LRRC4C: variants seen among roughly 807,000 people sequenced by gnomAD.
LRRC4C encodes leucine rich repeat containing 4C.
LRRC4C carries 5 observed loss-of-function variants against 33.6 expected under a neutral mutation model. That is an observed-to-expected ratio of 0.15 (90% CI 0.08 to 0.31). The LOEUF (loss-of-function observed/expected upper bound fraction) is 0.31, where lower values mean the gene tolerates loss of function less well. LRRC4C is among the 10% of genes least tolerant of loss of function. The pLI, the probability that LRRC4C is intolerant of heterozygous loss-of-function variation, is 1.00. For synonymous variants in LRRC4C, 329 were observed against 302.0 expected (o/e 1.09, Z -0.93); for missense variants, 560 against 796.7 (o/e 0.70, Z 3.58).
At chr11:40,415,048 A>G (rs1039723208) in intron 3 of LRRC4C, among the ~76,000 whole-genome samples, 5 of 152,214 alleles carry the variant, frequency 3.3e-5, no homozygotes, top group African/African-American at 1.2e-4. Flanking sequence ...CTGCCCAGCC[A>G]TGTATTCCAT....
At chr11:41,012,863 C>T (rs1855307817) in intron 1 of LRRC4C, among the ~76,000 whole-genome samples, 1 of 152,064 alleles carries the variant, frequency 6.6e-6, no homozygotes, top group Admixed American at 6.6e-5. Flanking sequence ...TTCTCATATA[C>T]CTATTGGCCA....
At chr11:40,295,207 T>A (rs1201511925) in intron 4 of LRRC4C, among the ~76,000 whole-genome samples, 1 of 152,222 alleles carries the variant, frequency 6.6e-6, no homozygotes, top group African/African-American at 2.4e-5. Flanking sequence ...TTCTCCAATG[T>A]ATAATTTTCA....
At chr11:40,366,443 A>G (rs1201082538) in intron 3 of LRRC4C, among the ~76,000 whole-genome samples, 1 of 152,054 alleles carries the variant, frequency 6.6e-6, no homozygotes, top group African/African-American at 2.4e-5. Context: ...TGTGGGTTGA[A>G]TATTGTACTG....
chr11:40,836,868 A>T lies in LRRC4C; in HGVS notation c.-407+96767T>A, dbSNP rs79970622. Among the ~76,000 whole-genome samples, 753 of 152,194 alleles carry T rather than the reference A, an allele frequency of 4.9e-3. 9 individuals are homozygous for T. Among genetic ancestry groups the T allele is most frequent in the African/African-American group, 0.017 (724 of 41,526 alleles). Reference sequence around the variant, plus strand: ...CATTATTGTTATTATTACCTCATCCACCATTATCATCTTTATTATCATGTC... The same window carrying T: ...CATTATTGTTATTATTACCTCATCCTCCATTATCATCTTTATTATCATGTC... On this transcript the variant is annotated intron_variant, in intron 2 of 6. Transcript: ENST00000528697.
At chr11:40,271,048 C>T (rs1682670850) in intron 4 of LRRC4C, among the ~76,000 whole-genome samples, 1 of 152,100 alleles carries the variant, frequency 6.6e-6, no homozygotes, top group Non-Finnish European at 1.5e-5. Context: ...TTTGAGCAGC[C>T]TTTTAAACAT....
At chr11:40,564,246 G>T (rs535563544) in intron 3 of LRRC4C, among the ~76,000 whole-genome samples, 1 of 152,116 alleles carries the variant, frequency 6.6e-6, no homozygotes, top group Non-Finnish European at 1.5e-5. Flanking sequence ...AGACAACAAC[G>T]GCCAATGCTT....
chr11:40,793,145 T>C (rs1259023534), intron 2 of LRRC4C, among the ~76,000 whole-genome samples: 1 of 151,752 alleles, frequency 6.6e-6, no homozygotes, highest in East Asian at 1.9e-4. Context: ...ATAAAAAAAT[T>C]AAAAATAAAA....
At chr11:40,584,933 A>C (rs1489185503) in intron 3 of LRRC4C, among the ~76,000 whole-genome samples, 16 of 150,724 alleles carry the variant, frequency 1.1e-4, no homozygotes, top group Non-Finnish European at 1.8e-4. Flanking sequence ...CTCCACTTCA[A>C]AAACCAATTA....
chr11:40,535,513 G>A (rs1030570579), intron 3 of LRRC4C, among the ~76,000 whole-genome samples: 5 of 152,180 alleles, frequency 3.3e-5, no homozygotes, highest in African/African-American at 1.2e-4. Flanking sequence ...TAATACAAGT[G>A]CAATGTAACT....
At chr11:41,268,656 T>A (rs1453066395) in intron 1 of LRRC4C, among the ~76,000 whole-genome samples, 1 of 152,026 alleles carries the variant, frequency 6.6e-6, no homozygotes, top group East Asian at 1.9e-4. Flanking sequence ...AATAAAACAG[T>A]TTGGGATACA....
chr11:41,307,543 G>T (rs1038874769), intron 1 of LRRC4C, among the ~76,000 whole-genome samples: 1 of 152,206 alleles, frequency 6.6e-6, no homozygotes, highest in Non-Finnish European at 1.5e-5. Flanking sequence ...CAGCCTTGTT[G>T]CATGTGGGCT....
intron 3 of LRRC4C, among the ~76,000 whole-genome samples, chr11:40,533,433 G>A (rs1041629002): frequency 6.6e-6 from 1 of 151,948 alleles, no homozygotes; most frequent in Non-Finnish European, 1.5e-5. Flanking sequence ...ATTTGCCTCA[G>A]GGTCTCTTTT....
chr11:41,151,520 T>C (rs1011525741), intron 1 of LRRC4C, among the ~76,000 whole-genome samples: 1 of 152,238 alleles, frequency 6.6e-6, no homozygotes, highest in African/African-American at 2.4e-5. Flanking sequence ...CATGTTTTCA[T>C]ACAATTTCAA....
chr11:40,418,947 A>G (rs1213247600), intron 3 of LRRC4C, among the ~76,000 whole-genome samples: 2 of 152,150 alleles, frequency 1.3e-5, no homozygotes, highest in African/African-American at 4.8e-5. Flanking sequence ...CACAGGTAGG[A>G]GAACAACACA....
At chr11:40,334,894 G>GA (rs1946530577) in intron 3 of LRRC4C, among the ~76,000 whole-genome samples, 1 of 152,110 alleles carries the variant, frequency 6.6e-6, no homozygotes, top group Non-Finnish European at 1.5e-5. Context: ...TCTGGCCACT[G>GA]AAAATGGATT....
chr11:40,325,845 A>AATT (rs1565275142), intron 3 of LRRC4C, among the ~76,000 whole-genome samples: 1 of 152,148 alleles, frequency 6.6e-6, no homozygotes, highest in Non-Finnish European at 1.5e-5. Flanking sequence ...ATGGTGTTCA[A>AATT]CATATATGGA....
chr11:41,309,385 G>A (rs908229615), intron 1 of LRRC4C, among the ~76,000 whole-genome samples: 3 of 152,126 alleles, frequency 2.0e-5, no homozygotes, highest in Admixed American at 6.6e-5. Context: ...GATGTTCTGC[G>A]GTCTCTGATT....
At chr11:41,239,585 T>A (rs890024927) in intron 1 of LRRC4C, among the ~76,000 whole-genome samples, 2 of 152,148 alleles carry the variant, frequency 1.3e-5, no homozygotes, top group African/African-American at 2.4e-5. Context: ...CAAATGTGAC[T>A]GTCTTACCAA....
At chr11:40,651,318 GA>G (rs1942782865) in intron 2 of LRRC4C, among the ~76,000 whole-genome samples, 1 of 151,270 alleles carries the variant, frequency 6.6e-6, no homozygotes, top group South Asian at 2.1e-4. Flanking sequence ...TACATAGTAA[GA>G]AAACATAGTA....
Sources: gnomAD v4.1 joint callset for allele counts (sites outside exome capture counted in the v4.1 genomes callset) on GRCh38, gnomAD v4.1.1 for gene constraint, MANE v1.5 for transcripts, NCBI Gene and HGNC (gene_info 2026-07-23, HGNC 2026-07-21) for gene names.